OR6N2: variants seen among roughly 807,000 people sequenced by gnomAD.
OR6N2 encodes olfactory receptor 6N2.
For synonymous variants in OR6N2, 160 were observed against 138.3 expected (o/e 1.16, Z -1.10); for missense variants, 399 against 379.7 (o/e 1.05, Z -0.42).
chr1:158,779,843 C>T (rs1352594367), intron 1 of OR6N2, among the ~76,000 whole-genome samples: 1 of 152,016 alleles, frequency 6.6e-6, no homozygotes, highest in Non-Finnish European at 1.5e-5. Flanking sequence ...ATTTTCTATG[C>T]CCTCATAATA....
At chr1:158,777,815 A>C (rs900001116) in intron 1 of OR6N2, among the ~76,000 whole-genome samples, 174 bp from the exon 2 acceptor site, 1 of 152,234 alleles carries the variant, frequency 6.6e-6, no homozygotes, top group African/African-American at 2.4e-5. Flanking sequence ...TCTTATTAGC[A>C]CTTACTATTC....
In OR6N2 at chr1:158,777,305, C is replaced by T. The variant is rs1466694280; in HGVS notation, c.331G>A (p.Glu111Lys). Reference protein sequence around the residue: ...TYFFHSLGASECYLLTAMAYD... With the variant: ...TYFFHSLGASKCYLLTAMAYD... ...GCCATGGCTGTAAGAAGGTAGCATTCAGACGCTCCCAAGGAGTGGAAGAAG... is the reference window on the plus strand; with the variant it reads ...GCCATGGCTGTAAGAAGGTAGCATTTAGACGCTCCCAAGGAGTGGAAGAAG... The change falls in exon 2 of 2, where the codon GAA becomes AAA. Residue 111 changes from glutamate to lysine, a missense_variant. Transcript: ENST00000641131. 1.2e-6 allele frequency: 2 copies of T among 1,614,072 alleles called. No individual in the cohort carries two copies. Among genetic ancestry groups the T allele is most frequent in the Non-Finnish European group, 8.5e-7 (1 of 1,179,978 alleles).
intron 1 of OR6N2, among the ~76,000 whole-genome samples, chr1:158,778,110 G>T (rs191247528): frequency 1.3e-5 from 2 of 152,036 alleles, no homozygotes; most frequent in African/African-American, 4.8e-5. Flanking sequence ...GTGAATTTTG[G>T]GTATGAGATT....
chr1:158,777,453 G>T lies in OR6N2; in HGVS notation c.183C>A (p.His61Gln). The T allele has an allele frequency of 6.2e-7, 1 of 1,614,224 alleles. No homozygotes were observed. Among genetic ancestry groups the T allele is most frequent in the South Asian group, 1.1e-5 (1 of 91,084 alleles). Residue 61 changes from histidine to glutamine, a missense_variant, in exon 2 of 2, where the codon CAC (histidine) becomes CAA (glutamine). His to Gln is a conservative substitution (Grantham distance 24, BLOSUM62 0). Transcript: ENST00000641131. The part of the protein sequence containing the change: ...LDAALHTPMY[H>Q]FVSVLSFLEL... ...CCAAGAAGGAAAGAACACTGACAAA[G>T]TGGTACATAGGTGTGTGCAGAGCTG... is the stretch of plus-strand genomic sequence containing the variant.
chr1:158,777,412 G>A lies in OR6N2; in HGVS notation c.224C>T (p.Ala75Val). Residue 75 changes from alanine (A) to valine (V), a missense_variant, in exon 2 of 2, where the codon GCT becomes GTT. Coordinates refer to ENST00000641131, the MANE Select transcript of OR6N2 (RefSeq NM_001005278.2). Reference sequence around the variant, plus strand: ...AGACAACATCTTAGGGATAGTGGTAGCTGTATACCACAACTCCAAGAAGGA... The same window carrying A: ...AGACAACATCTTAGGGATAGTGGTAACTGTATACCACAACTCCAAGAAGGA... ...VLSFLELWYT[A>V]TTIPKMLSNI... The A allele has an allele frequency of 6.2e-7, 1 of 1,613,666 alleles. No homozygotes were observed. Among genetic ancestry groups the A allele is most frequent in the South Asian group, 1.1e-5 (1 of 91,072 alleles).
chr1:158,776,427 T>C lies in OR6N2; in HGVS notation c.*255A>G, dbSNP rs1445528974. The C allele has an allele frequency of 6.5e-6, 2 of 307,658 alleles. No individual in the cohort carries two copies. Among genetic ancestry groups the C allele is most frequent in the Non-Finnish European group, 1.2e-5 (2 of 168,888 alleles). The allele number at this position is 307,658 out of a possible 1,614,324, so 19.1% of individuals were successfully genotyped here. On this transcript the variant is annotated 3_prime_UTR_variant, in exon 2 of 2. Transcript: ENST00000641131. ...AAATCGATCTCTAGCTGGATGGAAA[T>C]GTGTGGACCTAGGAAATATACATGC...
In OR6N2 at chr1:158,774,865, A is replaced by G. The variant is rs1481465699; in HGVS notation, c.*1817T>C. 1 of 152,226 alleles carries G rather than the reference A, an allele frequency of 6.6e-6. No homozygotes were observed. The highest frequency in any genetic ancestry group is 1.5e-5 in the Non-Finnish European group (1 of 68,044). 9.4% of individuals were successfully genotyped at this position (152,226 alleles called of 1,614,324 possible). On this transcript the variant is annotated 3_prime_UTR_variant, in exon 2 of 2. Coordinates refer to ENST00000641131, the MANE Select transcript of OR6N2 (RefSeq NM_001005278.2). The stretch of plus-strand genomic sequence containing the variant: ...GAAAACTGGTGAGTACAAATAGGGA[A>G]GACCGATGCATTCTATAGAACAGTG...
rs755729492 is a variant in OR6N2, at chr1:158,777,192, A to G, written c.444T>C (p.Cys148=). The G allele has an allele frequency of 3.7e-6, 6 of 1,614,004 alleles. No homozygotes were observed. Among genetic ancestry groups the G allele is most frequent in the Non-Finnish European group, 5.1e-6 (6 of 1,180,034 alleles). ...TGGGACACAGGAAGCCACAAGTCCAACAAGCAGCAGCCATCTTGGCACAGA... is the reference window on the plus strand; with the variant it reads ...TGGGACACAGGAAGCCACAAGTCCAGCAAGCAGCAGCCATCTTGGCACAGA... ...TTLCAKMAAA[C]WTCGFLCPIS... is the part of the protein sequence containing the mutation. Residue 148 remains cysteine, a synonymous_variant, in exon 2 of 2, where the codon TGT becomes TGC. Transcript: ENST00000641131.
chr1:158,776,011 G>A lies in OR6N2; in HGVS notation c.*671C>T, dbSNP rs1291500598. The A allele has an allele frequency of 6.6e-6, 1 of 152,120 alleles. No individual in the cohort carries two copies. Among genetic ancestry groups the A allele is most frequent in the Admixed American group, 6.5e-5 (1 of 15,272 alleles). The allele number at this position is 152,120 out of a possible 1,614,324, so 9.4% of individuals were successfully genotyped here. A position where few individuals can be genotyped will look rare whatever the true frequency, so the allele number is the denominator to read the frequency against. On this transcript the variant is annotated 3_prime_UTR_variant, in exon 2 of 2. Transcript: ENST00000641131. ...TGGTTTGGAGATAAAAATTTAAGAGGCCTTGTGATAGAGATCATATTTAAA... is the reference window on the plus strand; with the variant it reads ...TGGTTTGGAGATAAAAATTTAAGAGACCTTGTGATAGAGATCATATTTAAA...
chr1:158,778,846 C>T (rs1657674127), intron 1 of OR6N2, among the ~76,000 whole-genome samples: 1 of 151,418 alleles, frequency 6.6e-6, no homozygotes, highest in Non-Finnish European at 1.5e-5. Context: ...AACCCCGTCT[C>T]TACTAAAAAT....
At position 158,774,534 on chromosome 1, in the gene OR6N2, G is replaced by C. The variant is rs1452979750; in HGVS notation, c.*2148C>G. 6.6e-6 allele frequency: 1 copy of C among 152,124 alleles called. No homozygotes were observed. Among genetic ancestry groups the C allele is most frequent in the African/African-American group, 2.4e-5 (1 of 41,414 alleles). 9.4% of individuals were successfully genotyped at this position (152,124 alleles called of 1,614,324 possible). On this transcript the variant is annotated 3_prime_UTR_variant, in exon 2 of 2. Transcript: ENST00000641131. ...CAGCGGAGGGACCCAAAAAGCACTA[G>C]TCTTTGGAAAACAGTTAGACAGCTA...
rs947214496 is a variant in OR6N2, at chr1:158,777,394, A to G, written c.242T>C (p.Met81Thr). ...CTTCTCACTGAGAATATTAGACAACATCTTAGGGATAGTGGTAGCTGTATA... is the reference window on the plus strand; with the variant it reads ...CTTCTCACTGAGAATATTAGACAACGTCTTAGGGATAGTGGTAGCTGTATA... Reference protein sequence around the residue: ...LWYTATTIPKMLSNILSEKKT... With the variant: ...LWYTATTIPKTLSNILSEKKT... The change falls in exon 2 of 2, where the codon ATG (methionine) becomes ACG (threonine). Residue 81 changes from methionine to threonine, a missense_variant. Coordinates refer to ENST00000641131, the MANE Select transcript of OR6N2 (RefSeq NM_001005278.2). The G allele has an allele frequency of 6.8e-6, 11 of 1,614,082 alleles. No individual in the cohort carries two copies. Among genetic ancestry groups the G allele is most frequent in the Non-Finnish European group, 8.5e-6 (10 of 1,180,006 alleles).
rs908395245 is a variant in OR6N2 at position 158,775,295 on chromosome 1, G to A, written c.*1387C>T. On this transcript the variant is annotated 3_prime_UTR_variant, in exon 2 of 2. Transcript: ENST00000641131. ...TTTGAACAGAAAATCACACAATTAGGAGGAGTGAACCAAATGAAATGTTGG... is the reference window on the plus strand; with the variant it reads ...TTTGAACAGAAAATCACACAATTAGAAGGAGTGAACCAAATGAAATGTTGG... 6.6e-6 allele frequency: 1 copy of A among 152,174 alleles called. No individual in the cohort carries two copies. Among genetic ancestry groups the A allele is most frequent in the Non-Finnish European group, 1.5e-5 (1 of 68,036 alleles). 9.4% of individuals were successfully genotyped at this position (152,174 alleles called of 1,614,324 possible).
At position 158,776,399 on chromosome 1, in the gene OR6N2, G is replaced by A. The variant is rs1309054002; in HGVS notation, c.*283C>T. On this transcript the variant is annotated 3_prime_UTR_variant, in exon 2 of 2. Transcript: ENST00000641131. ...AGAAGTTTGATTGGAAAAAGGAACA[G>A]AGAAATCGATCTCTAGCTGGATGGA... 2.4e-5 allele frequency: 6 copies of A among 253,538 alleles called. No homozygotes were observed. The highest frequency in any genetic ancestry group is 5.2e-5 in the Admixed American group (1 of 19,398). 15.7% of individuals were successfully genotyped at this position (253,538 alleles called of 1,614,324 possible).
chr1:158,780,760 A>C (rs857838), intron 1 of OR6N2, among the ~76,000 whole-genome samples: 97,264 of 152,038 alleles, frequency 0.64, 31,749 homozygotes, highest in African/African-American at 0.78. Flanking sequence ...ACTGTCTATA[A>C]CTCATTAGAT....
chr1:158,777,523 G>A lies in OR6N2; in HGVS notation c.113C>T (p.Thr38Ile), dbSNP rs1021731668. The A allele has an allele frequency of 3.7e-6, 6 of 1,614,010 alleles. No individual in the cohort carries two copies. In the African/African-American group the frequency reaches 6.7e-5, roughly 18 times the overall value. The change falls in exon 2 of 2, where the codon ACC (threonine) becomes ATC (isoleucine). Residue 38 changes from threonine (T) to isoleucine (I), a missense_variant. Thr to Ile is a moderately conservative substitution (Grantham distance 89). Transcript: ENST00000641131. ...GAAGATGAGCATGTTACCACAGATG[G>A]TGAACAGGTATGCCAATAGCAGCAG... is the stretch of plus-strand genomic sequence containing the variant. ...FVLLLLAYLF[T>I]ICGNMLIFSV...
At position 158,774,957 on chromosome 1, in the gene OR6N2, G is replaced by A. The variant is rs1326877475; in HGVS notation, c.*1725C>T. 3 of 152,002 alleles carry A rather than the reference G, an allele frequency of 2.0e-5. No homozygotes were observed. Among genetic ancestry groups the A allele is most frequent in the African/African-American group, 7.3e-5 (3 of 41,372 alleles). The allele number at this position is 152,002 out of a possible 1,614,324, so 9.4% of individuals were successfully genotyped here. ...CCAAATATATTATTGACCAGGTGTG[G>A]GTAAAATTCATCACATGTTTCATTC... On this transcript the variant is annotated 3_prime_UTR_variant, in exon 2 of 2. Coordinates refer to ENST00000641131, the MANE Select transcript of OR6N2 (RefSeq NM_001005278.2).
rs1282610884 is a variant in OR6N2, at chr1:158,777,349, C to T, written c.287G>A (p.Gly96Glu). 1.9e-6 allele frequency: 3 copies of T among 1,613,976 alleles called. No homozygotes were observed. Among genetic ancestry groups the T allele is most frequent in the Non-Finnish European group, 2.5e-6 (3 of 1,180,040 alleles). ...LSEKKTISFA[G>E]CLLQTYFFHS... ...GAAGAAGTAGGTCTGAAGGAGGCAT[C>T]CTGCAAAAGAAATGGTTTTCTTCTC... The change falls in exon 2 of 2, where the codon GGA becomes GAA. Residue 96 changes from glycine to glutamate, a missense_variant. Transcript: ENST00000641131.
In OR6N2 at chr1:158,776,951, T is replaced by C; in HGVS notation, c.685A>G (p.Lys229Glu). 6.2e-7 allele frequency: 1 copy of C among 1,614,124 alleles called. No individual in the cohort carries two copies. Among genetic ancestry groups the C allele is most frequent in the Non-Finnish European group, 8.5e-7 (1 of 1,180,010 alleles). The part of the protein sequence containing the change: ...ARIIGAVLKI[K>E]TASGRKKAFS... ...GCCTTCTTTCTTCCTGATGCTGTTTTTATCTTCAGCACAGCCCCAATGATC... is the reference window on the plus strand; with the variant it reads ...GCCTTCTTTCTTCCTGATGCTGTTTCTATCTTCAGCACAGCCCCAATGATC... The change falls in exon 2 of 2, where the codon AAA (lysine) becomes GAA (glutamate). Residue 229 changes from lysine (K) to glutamate (E), a missense_variant. Coordinates refer to ENST00000641131, the MANE Select transcript of OR6N2 (RefSeq NM_001005278.2).
Sources: allele counts gnomAD v4.1 joint callset (sites outside exome capture counted in the v4.1 genomes callset), GRCh38; gene constraint gnomAD v4.1.1; transcripts MANE v1.5; gene names NCBI Gene and HGNC (gene_info 2026-07-23, HGNC 2026-07-21).